The following UBE2G1 variants were observed in gnomAD, a reference collection of about 807,000 sequenced individuals.
UBE2G1 encodes the protein ubiquitin-conjugating enzyme E2 G1.
UBE2G1 carries 5 observed loss-of-function variants against 22.7 expected under a neutral mutation model. The observed-to-expected ratio is 0.22, with a 90% CI of 0.12 to 0.46. The LOEUF is 0.46. UBE2G1 is among the 20% of genes least tolerant of loss of function. The pLI, the probability that UBE2G1 is intolerant of heterozygous loss-of-function variation, is 0.99. For missense variants in UBE2G1, 88 were observed against 203.9 expected (o/e 0.43, Z 3.46); for synonymous variants, 74 against 67.5 (o/e 1.10, Z -0.47).
At chr17:4,331,715 G>A (rs1421536124) in intron 1 of UBE2G1, 2 of 152,024 alleles carry the variant, frequency 1.3e-5, no homozygotes, top group Non-Finnish European at 2.9e-5. Flanking sequence ...AGATGAAAAC[G>A]GATGGAAGAA....
At chr17:4,321,135 G>T (rs986947657) in intron 1 of UBE2G1, among the ~76,000 whole-genome samples, 6 of 151,866 alleles carry the variant, frequency 4.0e-5, no homozygotes, top group African/African-American at 1.5e-4. Context: ...GAACAATAGA[G>T]GAAGACCCCA....
At chr17:4,338,557 C>T (rs1969675908) in intron 1 of UBE2G1, among the ~76,000 whole-genome samples, 1 of 152,178 alleles carries the variant, frequency 6.6e-6, no homozygotes, top group Non-Finnish European at 1.5e-5. Flanking sequence ...ATTAAACTAT[C>T]CTATGAAACA....
intron 5 of UBE2G1, among the ~76,000 whole-genome samples, chr17:4,279,785 T>TTTATATA (rs1334257201): frequency 1.5e-5 from 1 of 68,852 alleles, no homozygotes; most frequent in African/African-American, 4.3e-5. Context: ...CAAAAAAAAG[T>TTTATATA]TATATATATA....
At chr17:4,293,250 C>T (rs998309749) in intron 3 of UBE2G1, among the ~76,000 whole-genome samples, 8 of 152,076 alleles carry the variant, frequency 5.3e-5, no homozygotes, top group Non-Finnish European at 8.8e-5. Flanking sequence ...TCACCTTTTA[C>T]GACTGACTTT....
At position 4,328,852 on chromosome 17, in the gene UBE2G1, C is replaced by T. The variant is rs544283948; in HGVS notation, c.47-21729G>A. 3.3e-3 allele frequency among the ~76,000 whole-genome samples: 505 copies of T among 152,154 alleles called. 4 individuals are homozygous for T. Among genetic ancestry groups the T allele is most frequent in the Non-Finnish European group, 2.7e-3 (182 of 67,986 alleles). On this transcript the variant is annotated intron_variant, in intron 1 of 5. Coordinates refer to ENST00000396981, the MANE Select transcript of UBE2G1 (RefSeq NM_003342.5). ...CTGTAATCCCCGCACTTTGGGAGGC[C>T]GGGGCGGGCAGATCACGAGGTCAGG...
At chr17:4,285,784 T>C (rs1968956042) in intron 4 of UBE2G1, among the ~76,000 whole-genome samples, 1 of 151,936 alleles carries the variant, frequency 6.6e-6, no homozygotes, top group African/African-American at 2.4e-5. Flanking sequence ...ACCCCATCTC[T>C]ACTAAAAATA....
chr17:4,280,489 G>C (rs1025554938), intron 5 of UBE2G1, among the ~76,000 whole-genome samples: 5 of 150,570 alleles, frequency 3.3e-5, no homozygotes, highest in African/African-American at 1.2e-4. Context: ...TGGGACTATA[G>C]GAGTGCACCA....
intron 1 of UBE2G1, among the ~76,000 whole-genome samples, chr17:4,335,982 C>T (rs1022345974): frequency 1.3e-5 from 2 of 152,034 alleles, no homozygotes; most frequent in African/African-American, 4.8e-5. Flanking sequence ...CCCATCTCTA[C>T]TAAAAATACA....
intron 2 of UBE2G1, 32 bp downstream of exon 2, chr17:4,306,989 C>T: frequency 6.3e-7 from 1 of 1,583,426 alleles, no homozygotes; most frequent in Non-Finnish European, 8.7e-7. Flanking sequence ...AAAAGAGCTC[C>T]ATTTTGAAGA....
chr17:4,288,734 T>C (rs1045679040), intron 4 of UBE2G1, among the ~76,000 whole-genome samples: 8 of 152,212 alleles, frequency 5.3e-5, no homozygotes, highest in African/African-American at 1.7e-4. Flanking sequence ...TAACGACGTA[T>C]AGTATTCTTG....
chr17:4,342,947 G>C (rs193301583), intron 1 of UBE2G1, among the ~76,000 whole-genome samples: 1 of 152,184 alleles, frequency 6.6e-6, no homozygotes. Flanking sequence ...CTCTTGGCCT[G>C]GAAAGCTCTT....
At chr17:4,356,049 TAAAAAAAAA>T (rs746982860) in intron 1 of UBE2G1, among the ~76,000 whole-genome samples, 1 of 99,088 alleles carries the variant, frequency 1.0e-5, no homozygotes, top group African/African-American at 3.8e-5. Context: ...TGTTTCACTT[TAAAAAAAAA>T]AAAAAAAAAA....
chr17:4,327,137 A>G (rs1164873395), intron 1 of UBE2G1, among the ~76,000 whole-genome samples: 2 of 152,180 alleles, frequency 1.3e-5, no homozygotes, highest in South Asian at 2.1e-4. Context: ...CTCTACCAAA[A>G]ATACAAAATT....
chr17:4,277,238 T>G (rs1055212925), intron 5 of UBE2G1, among the ~76,000 whole-genome samples: 11 of 152,200 alleles, frequency 7.2e-5, no homozygotes, highest in African/African-American at 2.4e-4. Flanking sequence ...TGCACCCCAG[T>G]TGAGTCAACA....
rs1273549600 is a variant in UBE2G1 at position 4,272,498 on chromosome 17, A to G, written c.*56T>C. On this transcript the variant is annotated 3_prime_UTR_variant, in exon 6 of 6. Transcript: ENST00000396981. ...GGTAGAGTGCAGGAAAAACAGTGCC[A>G]TGTTTCTCAATTGGAGACCTACAAC... is the stretch of plus-strand genomic sequence containing the variant. 1.1e-5 allele frequency: 2 copies of G among 186,748 alleles called. No homozygotes were observed. The highest frequency in any genetic ancestry group is 1.4e-4 in the South Asian group (1 of 7,004). 11.6% of individuals were successfully genotyped at this position (186,748 alleles called of 1,614,324 possible). A position where few individuals can be genotyped will look rare whatever the true frequency, so the allele number is the denominator to read the frequency against.
At chr17:4,289,099 G>A in intron 4 of UBE2G1, 131 bp downstream of exon 4, 1 of 595,972 alleles carries the variant, frequency 1.7e-6, no homozygotes, top group Non-Finnish European at 2.3e-6. Context: ...AGAACTATGG[G>A]AAGAGATACA....
intron 1 of UBE2G1, among the ~76,000 whole-genome samples, chr17:4,348,643 C>G (rs1969809182): frequency 6.6e-6 from 1 of 151,400 alleles, no homozygotes; most frequent in African/African-American, 2.4e-5. Context: ...GTGGGTAGAT[C>G]ATGAGATCAG....
chr17:4,289,537 T>C (rs1051972740), intron 3 of UBE2G1, 129 bp from the exon 4 acceptor site: 49 of 1,041,522 alleles, frequency 4.7e-5, no homozygotes, highest in Non-Finnish European at 6.3e-5. Context: ...GAAGTTAATG[T>C]CCAAAATGCA....
intron 1 of UBE2G1, among the ~76,000 whole-genome samples, chr17:4,354,822 A>G (rs1969886587): frequency 6.6e-6 from 1 of 151,246 alleles, no homozygotes; most frequent in Non-Finnish European, 1.5e-5. Context: ...CTGTAGTCCC[A>G]GCTACGGAGG....
Sources: allele counts gnomAD v4.1 joint callset (sites outside exome capture counted in the v4.1 genomes callset), GRCh38; gene constraint gnomAD v4.1.1; transcripts MANE v1.5; gene names NCBI Gene and HGNC (gene_info 2026-07-23, HGNC 2026-07-21).